The following CNTNAP2 variants were observed in gnomAD, a reference collection of about 807,000 sequenced individuals.
CNTNAP2 encodes contactin-associated protein-like 2.
In CNTNAP2, 98 loss-of-function variants were observed where a neutral mutation model predicts 155.2. The ratio of observed to expected loss-of-function variants is 0.63; its 90% CI spans 0.54 to 0.75. The LOEUF is 0.75. Ranked by LOEUF, CNTNAP2 falls within the 30% of genes least tolerant of loss-of-function variation. The probability of loss-of-function intolerance (pLI) is 0.00; values close to 1 mark genes in which losing one functional copy is unlikely to be tolerated. For missense variants in CNTNAP2, 1,727 were observed against 1,688.1 expected (o/e 1.02, Z -0.40); for synonymous variants, 651 against 631.2 (o/e 1.03, Z -0.47).
rs140608132 is a variant in CNTNAP2, at chr7:148,256,398, G to A, written c.3382-10635G>A. 3.2e-3 allele frequency among the ~76,000 whole-genome samples: 486 copies of A among 152,176 alleles called. 3 individuals are homozygous for A. Among genetic ancestry groups the A allele is most frequent in the African/African-American group, 0.011 (438 of 41,504 alleles). On this transcript the variant is annotated intron_variant, in intron 20 of 23. Coordinates refer to ENST00000361727, the MANE Select transcript of CNTNAP2 (RefSeq NM_014141.6). ...TCAACCTCCTCACTTTACAAATGAGGAAACTGAAGTCCAAGAAGGCTTCCT... is the reference window on the plus strand; with the variant it reads ...TCAACCTCCTCACTTTACAAATGAGAAAACTGAAGTCCAAGAAGGCTTCCT...
At chr7:148,005,916 C>T (rs1801968903) in intron 15 of CNTNAP2, among the ~76,000 whole-genome samples, 1 of 152,126 alleles carries the variant, frequency 6.6e-6, no homozygotes, top group African/African-American at 2.4e-5. Flanking sequence ...TAGGTGTAAT[C>T]CTGTAAGGTT....
chr7:148,383,228 ATAAG>A (rs1221745413), intron 21 of CNTNAP2, among the ~76,000 whole-genome samples: 1 of 151,314 alleles, frequency 6.6e-6, no homozygotes, highest in Non-Finnish European at 1.5e-5. Context: ...GAAGAAGAAA[ATAAG>A]TAAGAGATCT....
intron 19 of CNTNAP2, among the ~76,000 whole-genome samples, chr7:148,226,547 C>A (rs534750079): frequency 2.4e-4 from 37 of 152,208 alleles, no homozygotes; most frequent in Non-Finnish European, 5.1e-4. Context: ...AGGAGTTGGG[C>A]AAGCGGGCCC....
At chr7:147,473,548 A>G (rs1442108148) in intron 10 of CNTNAP2, among the ~76,000 whole-genome samples, 1 of 152,108 alleles carries the variant, frequency 6.6e-6, no homozygotes, top group Admixed American at 6.6e-5. Flanking sequence ...TTGACAAGAT[A>G]ATGAATACCT....
intron 1 of CNTNAP2, among the ~76,000 whole-genome samples, chr7:146,247,695 G>C (rs887136384): frequency 2.0e-5 from 3 of 152,170 alleles, no homozygotes; most frequent in African/African-American, 7.2e-5. Flanking sequence ...TGGAACTACT[G>C]TCGAGTTTGT....
At chr7:147,528,040 C>T (rs1799357592) in intron 11 of CNTNAP2, among the ~76,000 whole-genome samples, 1 of 152,196 alleles carries the variant, frequency 6.6e-6, no homozygotes, top group African/African-American at 2.4e-5. Context: ...TTCACTGACT[C>T]CTGTCCTGTG....
chr7:146,841,887 CT>C (rs71929031), intron 3 of CNTNAP2, among the ~76,000 whole-genome samples: 161 of 145,670 alleles, frequency 1.1e-3, no homozygotes, highest in Middle Eastern at 3.6e-3. Flanking sequence ...GTCTTGGAGT[CT>C]TTTTTTTTTT....
intron 19 of CNTNAP2, among the ~76,000 whole-genome samples, chr7:148,226,155 T>G (rs1464873556): frequency 1.3e-5 from 2 of 152,156 alleles, no homozygotes; most frequent in Non-Finnish European, 2.9e-5. Flanking sequence ...AATATCATTT[T>G]GAAGATTGCT....
At chr7:146,471,672 C>T (rs556688198) in intron 1 of CNTNAP2, among the ~76,000 whole-genome samples, 10 of 152,148 alleles carry the variant, frequency 6.6e-5, no homozygotes, top group African/African-American at 1.2e-4. Flanking sequence ...AGATAAATGG[C>T]GTGTTTGAAC....
At chr7:147,030,397 C>G (rs1799007077) in intron 3 of CNTNAP2, among the ~76,000 whole-genome samples, 1 of 152,190 alleles carries the variant, frequency 6.6e-6, no homozygotes, top group Non-Finnish European at 1.5e-5. Context: ...AGCCTTGAAA[C>G]TAATTCTGTC....
intron 1 of CNTNAP2, among the ~76,000 whole-genome samples, chr7:146,603,685 A>G (rs1233316007): frequency 6.6e-6 from 1 of 151,192 alleles, no homozygotes; most frequent in African/African-American, 2.4e-5. Flanking sequence ...CTACAAGGCT[A>G]CAGTAACCAA....
At chr7:146,803,304 C>T (rs1024132770) in intron 2 of CNTNAP2, among the ~76,000 whole-genome samples, 1 of 152,108 alleles carries the variant, frequency 6.6e-6, no homozygotes. Context: ...TCTGAGGAAA[C>T]GTTCATTGCA....
Position 147,827,516 on chromosome 7 carries a change from A to C in CNTNAP2, c.2099-76049A>C, listed in dbSNP as rs549889547. Among the ~76,000 whole-genome samples, 10 of 152,346 alleles carry C rather than the reference A, an allele frequency of 6.6e-5. No homozygotes were observed. The East Asian group carries it at 1.7e-3, about 26-fold the overall frequency. On this transcript the variant is annotated intron_variant, in intron 13 of 23. Transcript: ENST00000361727. ...ATAGTGTGGGCCACAAGATCTACTA[A>C]ACAAATTAGATTGTAAAACTTCTCA...
intron 10 of CNTNAP2, among the ~76,000 whole-genome samples, chr7:147,452,636 C>T (rs1423939470): frequency 6.6e-6 from 1 of 152,080 alleles, no homozygotes; most frequent in East Asian, 1.9e-4. Flanking sequence ...GGCAGTTGTA[C>T]CTGCTAATTG....
chr7:146,921,653 G>A (rs1362322187), intron 3 of CNTNAP2, among the ~76,000 whole-genome samples: 1 of 152,038 alleles, frequency 6.6e-6, no homozygotes, highest in East Asian at 1.9e-4. Context: ...AACAGTATTG[G>A]GGAAATCACC....
intron 1 of CNTNAP2, among the ~76,000 whole-genome samples, chr7:146,522,253 T>A (rs1326883965): frequency 1.3e-5 from 2 of 152,080 alleles, no homozygotes; most frequent in Non-Finnish European, 2.9e-5. Flanking sequence ...TGAATTTCCA[T>A]ACAGAGGGAT....
At chr7:146,847,315 G>A (rs1281238556) in intron 3 of CNTNAP2, among the ~76,000 whole-genome samples, 1 of 152,098 alleles carries the variant, frequency 6.6e-6, no homozygotes, top group African/African-American at 2.4e-5. Context: ...AGAGGCCGTG[G>A]AATGAGTAAT....
chr7:147,826,337 A>G (rs1005790252), intron 13 of CNTNAP2, among the ~76,000 whole-genome samples: 4 of 152,238 alleles, frequency 2.6e-5, no homozygotes, highest in African/African-American at 7.2e-5. Context: ...GTATAATCCT[A>G]TAATTTATTC....
At chr7:148,110,737 C>T (rs1012303816) in intron 15 of CNTNAP2, among the ~76,000 whole-genome samples, 1 of 152,160 alleles carries the variant, frequency 6.6e-6, no homozygotes, top group Non-Finnish European at 1.5e-5. Context: ...GAGGGTCAGT[C>T]ACACCCCAGC....
Sources: gnomAD v4.1 joint callset for allele counts (sites outside exome capture counted in the v4.1 genomes callset) on GRCh38, gnomAD v4.1.1 for gene constraint, MANE v1.5 for transcripts, NCBI Gene and HGNC (gene_info 2026-07-23, HGNC 2026-07-21) for gene names.